MS4A12: variants seen among roughly 807,000 people sequenced by gnomAD.
MS4A12 encodes membrane spanning 4-domains A12.
In MS4A12, 28 loss-of-function variants were observed where a neutral mutation model predicts 23.7. That is an observed-to-expected ratio of 1.18 (90% CI 0.88 to 1.62). The LOEUF (loss-of-function observed/expected upper bound fraction) is 1.62. Among genes scored for constraint, MS4A12 ranks in the 40% most tolerant of loss-of-function variants. The probability of loss-of-function intolerance (pLI) is 0.00; values close to 1 mark genes in which losing one functional copy is unlikely to be tolerated. For synonymous variants in MS4A12, 108 were observed against 110.1 expected (o/e 0.98, Z 0.12); for missense variants, 342 against 327.0 (o/e 1.05, Z -0.35).
chr11:60,503,318 G>C (rs1048010682), intron 4 of MS4A12, among the ~76,000 whole-genome samples: 1 of 152,142 alleles, frequency 6.6e-6, no homozygotes, highest in African/African-American at 2.4e-5. Flanking sequence ...CTCATTCAAA[G>C]GCTGTAAGAG....
Position 60,506,836 on chromosome 11 carries a change from A to G in MS4A12, c.697A>G (p.Met233Val), listed in dbSNP as rs779760931. 1.9e-6 allele frequency: 3 copies of G among 1,609,528 alleles called. No homozygotes were observed. The highest frequency in any genetic ancestry group is 2.6e-6 in the Non-Finnish European group (3 of 1,175,778). The change falls in exon 6 of 7, where the codon ATG (methionine) becomes GTG (valine). Residue 233 changes from methionine (M) to valine (V), a missense_variant and splice_region_variant. By Grantham distance (21) the Met-to-Val change is conservative. Transcript: ENST00000016913. Reference sequence around the variant, plus strand: ...CAACCAAGCAAACACCACAACCAATATGGTGAGTTGGGTCTCTTCTTTGTA... The same window carrying G: ...CAACCAAGCAAACACCACAACCAATGTGGTGAGTTGGGTCTCTTCTTTGTA... Reference protein sequence around the residue: ...FANQANTTTNMSVLVIPNMYE... With the variant: ...FANQANTTTNVSVLVIPNMYE...
chr11:60,498,487 A>G (rs1590860252), intron 2 of MS4A12, among the ~76,000 whole-genome samples: 2 of 152,250 alleles, frequency 1.3e-5, no homozygotes. Context: ...GATAGAGGAA[A>G]TTCCCTGCTC....
At chr11:60,496,936 G>A (rs11230344) in intron 1 of MS4A12, among the ~76,000 whole-genome samples, 85,979 of 152,006 alleles carry the variant, frequency 0.57, 24,423 homozygotes, top group East Asian at 0.64. Flanking sequence ...TCCACCTCAG[G>A]TCATCAGGAA....
chr11:60,506,307 T>C (rs1467833632), intron 5 of MS4A12, among the ~76,000 whole-genome samples: 1 of 152,246 alleles, frequency 6.6e-6, no homozygotes, highest in Non-Finnish European at 1.5e-5. Context: ...ACATCCATTC[T>C]TCTGCCTTTT....
chr11:60,499,851 T>A (rs56937795), intron 2 of MS4A12, among the ~76,000 whole-genome samples: 17 of 152,180 alleles, frequency 1.1e-4, no homozygotes, highest in Non-Finnish European at 1.3e-4. Context: ...TCTATCTTTA[T>A]TTACAATGAA....
At chr11:60,505,765 T>C (rs1182305677) in intron 5 of MS4A12, among the ~76,000 whole-genome samples, 1 of 152,036 alleles carries the variant, frequency 6.6e-6, no homozygotes, top group Admixed American at 6.5e-5. Context: ...TCCTGTATGG[T>C]ACAAGACCAT....
chr11:60,498,295 T>C (rs1053512909), intron 2 of MS4A12, among the ~76,000 whole-genome samples: 2 of 152,196 alleles, frequency 1.3e-5, no homozygotes, highest in African/African-American at 4.8e-5. Context: ...TGTGAATAGC[T>C]CAAAATGCTC....
At chr11:60,495,164 T>G (rs1380478429) in intron 1 of MS4A12, among the ~76,000 whole-genome samples, 2 of 151,640 alleles carry the variant, frequency 1.3e-5, no homozygotes, top group African/African-American at 4.9e-5. Context: ...GGCTAATTTT[T>G]TTTTTTTTTT....
intron 2 of MS4A12, 114 bp downstream of exon 2, chr11:60,497,708 T>G (rs752590605): frequency 4.3e-6 from 5 of 1,162,622 alleles, no homozygotes; most frequent in Non-Finnish European, 6.0e-6. Context: ...TGAAATTATC[T>G]CTTTTAGACA....
intron 4 of MS4A12, among the ~76,000 whole-genome samples, 177 bp from the exon 5 acceptor site, chr11:60,503,524 T>G (rs1270492914): frequency 1.3e-5 from 2 of 152,206 alleles, no homozygotes; most frequent in African/African-American, 4.8e-5. Flanking sequence ...ACATCTAGGC[T>G]GCATACAGAA....
chr11:60,505,275 A>C (rs948108434), intron 5 of MS4A12, among the ~76,000 whole-genome samples: 1 of 152,132 alleles, frequency 6.6e-6, no homozygotes, highest in Non-Finnish European at 1.5e-5. Flanking sequence ...AGATCTCATG[A>C]GACCCATTCA....
chr11:60,507,264 A>G lies in MS4A12; in HGVS notation c.*140A>G. 2 of 669,894 alleles carry G rather than the reference A, an allele frequency of 3.0e-6. No individual in the cohort carries two copies. Among genetic ancestry groups the G allele is most frequent in the Non-Finnish European group, 5.1e-6 (2 of 390,410 alleles). 41.5% of individuals were successfully genotyped at this position (669,894 alleles called of 1,614,324 possible). A position where few individuals can be genotyped will look rare whatever the true frequency, so the allele number is the denominator to read the frequency against. Reference sequence around the variant, plus strand: ...GAGATTTGTTTTTAGGTTGGTCGCTAATGATGGCTGTATCTCCCTTCACTG... The same window carrying G: ...GAGATTTGTTTTTAGGTTGGTCGCTGATGATGGCTGTATCTCCCTTCACTG... On this transcript the variant is annotated 3_prime_UTR_variant, in exon 7 of 7. Coordinates refer to ENST00000016913, the MANE Select transcript of MS4A12 (RefSeq NM_017716.3).
chr11:60,501,546 A>G (rs530497188), intron 3 of MS4A12, among the ~76,000 whole-genome samples: 1 of 152,318 alleles, frequency 6.6e-6, no homozygotes, highest in Admixed American at 6.5e-5. Flanking sequence ...GATTGGAAAC[A>G]TGATTAAAAA....
chr11:60,494,507 C>T (rs1207597460), intron 1 of MS4A12, among the ~76,000 whole-genome samples: 6 of 152,144 alleles, frequency 3.9e-5, no homozygotes, highest in African/African-American at 1.4e-4. Flanking sequence ...TCTGAGTACC[C>T]ATCTCCTATT....
chr11:60,500,120 A>T (rs1247384007), intron 2 of MS4A12, among the ~76,000 whole-genome samples: 3 of 152,082 alleles, frequency 2.0e-5, no homozygotes, highest in Non-Finnish European at 4.4e-5. Context: ...GGGAGCCTGT[A>T]GTCCTAGCTA....
intron 1 of MS4A12, among the ~76,000 whole-genome samples, chr11:60,496,991 C>T (rs555072588): frequency 3.3e-5 from 5 of 152,346 alleles, no homozygotes; most frequent in Non-Finnish European, 5.9e-5. Context: ...CCAACATGTG[C>T]AGTTCACAGT....
In MS4A12 at chr11:60,506,708, CTATT is replaced by C. The variant is rs2086572493; in HGVS notation, c.589-12_589-9del. ...GCCCTCCTGATTAGCCAAAATTTCA[CTATT>C]TATTTATGATTTCAGCTTTCTGGAA... On this transcript the variant is annotated splice_polypyrimidine_tract_variant and intron_variant, in intron 5 of 6. Transcript: ENST00000016913. The C allele has an allele frequency of 6.2e-7, 1 of 1,607,014 alleles. No homozygotes were observed.
At position 60,507,280 on chromosome 11, in the gene MS4A12, C is replaced by T; in HGVS notation, c.*156C>T. ...TTGGTCGCTAATGATGGCTGTATCTCCCTTCACTGTCTCTTCCTACATTAC... is the reference window on the plus strand; with the variant it reads ...TTGGTCGCTAATGATGGCTGTATCTTCCTTCACTGTCTCTTCCTACATTAC... On this transcript the variant is annotated 3_prime_UTR_variant, in exon 7 of 7. Transcript: ENST00000016913. 1 of 623,824 alleles carries T rather than the reference C, an allele frequency of 1.6e-6. No homozygotes were observed. Among genetic ancestry groups the T allele is most frequent in the Non-Finnish European group, 2.8e-6 (1 of 354,508 alleles). 38.6% of individuals were successfully genotyped at this position (623,824 alleles called of 1,614,324 possible). A position where few individuals can be genotyped will look rare whatever the true frequency, so the allele number is the denominator to read the frequency against.
chr11:60,504,853 C>T (rs2086558767), intron 5 of MS4A12, among the ~76,000 whole-genome samples: 1 of 152,112 alleles, frequency 6.6e-6, no homozygotes, highest in South Asian at 2.1e-4. Context: ...GTTGTCTAGG[C>T]ACTCCCATCA....
Sources: allele counts gnomAD v4.1 joint callset (sites outside exome capture counted in the v4.1 genomes callset), GRCh38; gene constraint gnomAD v4.1.1; transcripts MANE v1.5; gene names NCBI Gene and HGNC (gene_info 2026-07-23, HGNC 2026-07-21).